The following ETV5 variants were observed in gnomAD, a reference collection of about 807,000 sequenced individuals.
ETV5 encodes the protein ETS variant transcription factor 5.
In ETV5, 10 loss-of-function variants were observed where a neutral mutation model predicts 70.0. The ratio of observed to expected loss-of-function variants is 0.14; its 90% CI spans 0.09 to 0.24. The LOEUF (loss-of-function observed/expected upper bound fraction) is 0.24, where lower values mean the gene tolerates loss of function less well. Ranked by LOEUF, ETV5 falls within the 10% of genes least tolerant of loss-of-function variation. The pLI is 1.00. For synonymous variants in ETV5, 216 were observed against 242.2 expected (o/e 0.89, Z 1.01); for missense variants, 453 against 651.2 (o/e 0.70, Z 3.31).
intron 9 of ETV5, among the ~76,000 whole-genome samples, chr3:186,058,824 G>A (rs1713230860): frequency 6.6e-6 from 1 of 151,950 alleles, no homozygotes; most frequent in African/African-American, 2.4e-5. Flanking sequence ...GACCAGCCTG[G>A]CCAACATGGT....
chr3:186,086,913 G>A (rs1714072904), intron 5 of ETV5, among the ~76,000 whole-genome samples: 1 of 152,068 alleles, frequency 6.6e-6, no homozygotes, highest in Non-Finnish European at 1.5e-5. Context: ...TGAGGCTACT[G>A]TGAGCTGTGA....
rs189591943 is a variant in ETV5 at position 186,067,938 on chromosome 3, C to T, written c.651-1866G>A. On this transcript the variant is annotated intron_variant, in intron 7 of 12. Transcript: ENST00000306376. ...TTAGAAATTAACAAAAGATGAATAT[C>T]TCAAGAGGAAAAAAATGGGCAAAGG... Among the ~76,000 whole-genome samples the T allele has an allele frequency of 1.0e-3, 153 of 152,226 alleles. 1 individual carries two copies. Among genetic ancestry groups the T allele is most frequent in the Middle Eastern group, 3.4e-3 (1 of 294 alleles).
chr3:186,082,877 T>G (rs1713965518), intron 5 of ETV5, among the ~76,000 whole-genome samples: 1 of 152,258 alleles, frequency 6.6e-6, no homozygotes, highest in Non-Finnish European at 1.5e-5. Flanking sequence ...GCAATGTTGC[T>G]GCAAAGTCTT....
intron 9 of ETV5, among the ~76,000 whole-genome samples, chr3:186,059,793 T>C (rs1713261223): frequency 6.6e-6 from 1 of 152,254 alleles, no homozygotes; most frequent in Admixed American, 6.5e-5. Flanking sequence ...TATCTTGGTA[T>C]CTTAGTGTCC....
intron 5 of ETV5, among the ~76,000 whole-genome samples, chr3:186,097,785 T>G (rs1714339430): frequency 6.6e-6 from 1 of 152,192 alleles, no homozygotes; most frequent in Non-Finnish European, 1.5e-5. Context: ...CAAAGGAAAC[T>G]AATTTTGGAG....
At chr3:186,091,745 T>C (rs1560054499) in intron 5 of ETV5, among the ~76,000 whole-genome samples, 2 of 152,210 alleles carry the variant, frequency 1.3e-5, no homozygotes, top group African/African-American at 4.8e-5. Flanking sequence ...TTGAATGTAT[T>C]ATCATGACAT....
chr3:186,068,072 G>A (rs1713496092), intron 7 of ETV5, among the ~76,000 whole-genome samples: 1 of 152,184 alleles, frequency 6.6e-6, no homozygotes, highest in African/African-American at 2.4e-5. Context: ...TTTCCTTTTA[G>A]CTTGGAAGAT....
In ETV5 at chr3:186,106,570, T is replaced by C. The variant is rs138173517; in HGVS notation, c.-74-628A>G. ...TGTCACAAATATCTCCCTGGTTACT[T>C]ACAGAGATATTTGTGACATCTCCAA... is the stretch of plus-strand genomic sequence containing the variant. On this transcript the variant is annotated intron_variant, in intron 1 of 12. Coordinates refer to ENST00000306376, the MANE Select transcript of ETV5 (RefSeq NM_004454.3). Among the ~76,000 whole-genome samples, 17 of 152,308 alleles carry C rather than the reference T, an allele frequency of 1.1e-4. 1 individual carries two copies. The East Asian group carries it at 3.3e-3, about 29-fold the overall frequency.
chr3:186,049,180 AG>A (rs1409974471), intron 12 of ETV5, among the ~76,000 whole-genome samples: 5 of 152,182 alleles, frequency 3.3e-5, no homozygotes, highest in Non-Finnish European at 5.9e-5. Flanking sequence ...TGTTCCAAAA[AG>A]GTTTAAGGAC....
intron 1 of ETV5, among the ~76,000 whole-genome samples, chr3:186,107,853 C>T (rs933971859): frequency 6.6e-6 from 1 of 152,114 alleles, no homozygotes; most frequent in African/African-American, 2.4e-5. Flanking sequence ...ACAAGACACA[C>T]TTCCACCCAA....
intron 5 of ETV5, among the ~76,000 whole-genome samples, chr3:186,090,709 T>C (rs1714162160): frequency 6.6e-6 from 1 of 152,172 alleles, no homozygotes; most frequent in Admixed American, 6.5e-5. Context: ...CCTGGGAAGG[T>C]TGGCAGAATT....
chr3:186,098,665 T>A (rs1267016058), intron 5 of ETV5, among the ~76,000 whole-genome samples: 1 of 152,178 alleles, frequency 6.6e-6, no homozygotes, highest in African/African-American at 2.4e-5. Flanking sequence ...CTTAGATATT[T>A]TTTCCAAACC....
chr3:186,086,042 C>T (rs952437341), intron 5 of ETV5, among the ~76,000 whole-genome samples: 4 of 152,172 alleles, frequency 2.6e-5, no homozygotes, highest in African/African-American at 9.7e-5. Flanking sequence ...TGCTTCTGGA[C>T]AATTGTCTTA....
intron 5 of ETV5, among the ~76,000 whole-genome samples, chr3:186,102,113 T>C (rs1714473907): frequency 6.6e-6 from 1 of 152,158 alleles, no homozygotes; most frequent in Non-Finnish European, 1.5e-5. Flanking sequence ...GGAAACCCAA[T>C]TCTAAGAAAC....
intron 7 of ETV5, among the ~76,000 whole-genome samples, chr3:186,077,474 G>A (rs984961595): frequency 6.6e-6 from 1 of 152,110 alleles, no homozygotes; most frequent in African/African-American, 2.4e-5. Context: ...TCACTGTCAC[G>A]TTTTTGATGC....
intron 12 of ETV5, among the ~76,000 whole-genome samples, chr3:186,049,742 T>C (rs1712979119): frequency 6.6e-6 from 1 of 152,268 alleles, no homozygotes; most frequent in Admixed American, 6.5e-5. Flanking sequence ...TGAACAAGTA[T>C]GGCTCTGCTT....
At position 186,079,830 on chromosome 3, in the gene ETV5, G is replaced by A. The variant is rs1713886263; in HGVS notation, c.637C>T (p.Pro213Ser). The A allele has an allele frequency of 1.2e-6, 2 of 1,603,164 alleles. No homozygotes were observed. The highest frequency in any genetic ancestry group is 1.7e-5 in the Admixed American group (1 of 59,186). ...ATCAACACCCACCTCTGTTCTGATG[G>A]ATACTGGTTTTCAGGCATCATCTTT... ...MPKMMPENQY[P>S]SEQRFQRQLS... The change falls in exon 7 of 13, where the codon CCA (proline) becomes TCA (serine). Residue 213 changes from proline to serine, a missense_variant. Physicochemically the swap from Pro to Ser is moderately conservative, Grantham distance 74. Transcript: ENST00000306376.
intron 5 of ETV5, among the ~76,000 whole-genome samples, chr3:186,099,363 T>A (rs1714395606): frequency 6.6e-6 from 1 of 152,170 alleles, no homozygotes; most frequent in Non-Finnish European, 1.5e-5. Context: ...AGCAACCTAA[T>A]CCGGTAATGG....
chr3:186,088,378 T>C (rs564029592), intron 5 of ETV5, among the ~76,000 whole-genome samples: 60 of 152,254 alleles, frequency 3.9e-4, no homozygotes, highest in African/African-American at 1.3e-3. Flanking sequence ...TGTACACAAA[T>C]AGTAATGGCC....
Sources: allele counts gnomAD v4.1 joint callset (sites outside exome capture counted in the v4.1 genomes callset), GRCh38; gene constraint gnomAD v4.1.1; transcripts MANE v1.5; gene names NCBI Gene and HGNC (gene_info 2026-07-23, HGNC 2026-07-21).